The following WDR88 variants were observed in gnomAD, a reference collection of about 807,000 sequenced individuals.
The protein encoded by WDR88 is WD repeat-containing protein 88.
Under a neutral mutation model 46.8 loss-of-function variants are expected in WDR88, and 40 were observed. The observed-to-expected ratio is 0.86, with a 90% CI of 0.66 to 1.11. The LOEUF (loss-of-function observed/expected upper bound fraction) is 1.11, where lower values mean the gene tolerates loss of function less well. Among genes scored for constraint, WDR88 ranks in the 50% most tolerant of loss-of-function variants. The pLI is 0.00. For synonymous variants in WDR88, 235 were observed against 240.7 expected (o/e 0.98, Z 0.22); for missense variants, 562 against 602.4 (o/e 0.93, Z 0.70).
chr19:33,142,878 A>AAAAAAAAAAAAAAAAAAAG (rs1289318961), intron 2 of WDR88: 2 of 142,874 alleles, frequency 1.4e-5, no homozygotes, highest in African/African-American at 5.4e-5. Flanking sequence ...AAAAAAAAAA[A>AAAAAAAAAAAAAAAAAAAG]AAGGCCGGGG....
Position 33,132,254 on chromosome 19 carries a change from T to A in WDR88, c.85T>A (p.Cys29Ser), listed in dbSNP as rs781166699. The part of the protein sequence containing the change: ...PPPSAPASEY[C>S]PGKLSWGTMA... Reference sequence around the variant, plus strand: ...ACCCTCCGCCCCCGCCAGCGAGTATTGTCCCGGCAAGCTGTCCTGGGGGAC... The same window carrying A: ...ACCCTCCGCCCCCGCCAGCGAGTATAGTCCCGGCAAGCTGTCCTGGGGGAC... The change falls in exon 1 of 11, where the codon TGT becomes AGT. Residue 29 changes from cysteine to serine, a missense_variant. Transcript: ENST00000355868. The A allele has an allele frequency of 3.1e-6, 5 of 1,612,920 alleles. No homozygotes were observed. In the South Asian group the frequency reaches 5.5e-5, roughly 18 times the overall value.
At chr19:33,164,657 T>C (rs980299146) in intron 9 of WDR88, among the ~76,000 whole-genome samples, 1 of 152,066 alleles carries the variant, frequency 6.6e-6, no homozygotes, top group African/African-American at 2.4e-5. Flanking sequence ...CACTGGCACA[T>C]AGCAGCCAGC....
At chr19:33,153,103 T>G (rs1304739946) in intron 6 of WDR88, among the ~76,000 whole-genome samples, 2 of 152,004 alleles carry the variant, frequency 1.3e-5, no homozygotes, top group Non-Finnish European at 2.9e-5. Flanking sequence ...CAGGCTGGAG[T>G]GCAGTGACGT....
Position 33,140,265 on chromosome 19 carries a change from C to G in WDR88, c.387+2478C>G, listed in dbSNP as rs538176222. Reference sequence around the variant, plus strand: ...AACCTCCTGGACTCAAGCAATCCCCCCATCTCAACACCCCGAGTAGCTGGG... The same window carrying G: ...AACCTCCTGGACTCAAGCAATCCCCGCATCTCAACACCCCGAGTAGCTGGG... On this transcript the variant is annotated intron_variant, in intron 2 of 10. Coordinates refer to ENST00000355868, the MANE Select transcript of WDR88 (RefSeq NM_173479.4). Among the ~76,000 whole-genome samples, 4 of 152,278 alleles carry G rather than the reference C, an allele frequency of 2.6e-5. No homozygotes were observed. The East Asian group carries it at 5.8e-4, about 22-fold the overall frequency.
intron 2 of WDR88, among the ~76,000 whole-genome samples, chr19:33,138,116 A>C (rs1973313781): frequency 6.6e-6 from 1 of 151,210 alleles, no homozygotes; most frequent in Admixed American, 6.6e-5. Context: ...GGCTCACTGC[A>C]ACCTCCGCCT....
chr19:33,134,137 T>A (rs1182081760), intron 1 of WDR88, among the ~76,000 whole-genome samples: 1 of 152,162 alleles, frequency 6.6e-6, no homozygotes, highest in South Asian at 2.1e-4. Context: ...TACTCATGTG[T>A]TGGGGACTTC....
rs547256327 is a variant in WDR88 at position 33,152,121 on chromosome 19, A to G, written c.809+811A>G. On this transcript the variant is annotated intron_variant, in intron 6 of 10. Coordinates refer to ENST00000355868, the MANE Select transcript of WDR88 (RefSeq NM_173479.4). ...GTGGCGGGCACCTGTAATCCCAGCT[A>G]TTCAGGAGGCTGAGGAAGGAGAATA... Among the ~76,000 whole-genome samples, 695 of 152,100 alleles carry G rather than the reference A, an allele frequency of 4.6e-3. 10 individuals carry two copies. The highest frequency in any genetic ancestry group is 0.016 in the African/African-American group (644 of 41,470).
Position 33,175,573 on chromosome 19 carries a change from C to G in WDR88, c.*1C>G, listed in dbSNP as rs755499627. The G allele has an allele frequency of 6.2e-7, 1 of 1,614,062 alleles. No individual in the cohort carries two copies. Among genetic ancestry groups the G allele is most frequent in the Non-Finnish European group, 8.5e-7 (1 of 1,179,986 alleles). ...GCCAAGGGGAAGCAAGGATGACTGACAGCCACAGGCCCCTTTGAGTGACTC... is the reference window on the plus strand; with the variant it reads ...GCCAAGGGGAAGCAAGGATGACTGAGAGCCACAGGCCCCTTTGAGTGACTC... On this transcript the variant is annotated 3_prime_UTR_variant, in exon 11 of 11. Coordinates refer to ENST00000355868, the MANE Select transcript of WDR88 (RefSeq NM_173479.4).
Position 33,175,722 on chromosome 19 carries a change from T to A in WDR88, c.*150T>A. 1 of 783,868 alleles carries A rather than the reference T, an allele frequency of 1.3e-6. No homozygotes were observed. Among genetic ancestry groups the A allele is most frequent in the South Asian group, 1.8e-5 (1 of 56,842 alleles). The allele number at this position is 783,868 out of a possible 1,614,324, so 48.6% of individuals were successfully genotyped here. A position where few individuals can be genotyped will look rare whatever the true frequency, so the allele number is the denominator to read the frequency against. ...CAAGCCCTGGCTGGACTCAGCACAG[T>A]GCCACCTCCTCAGCTCTCAGCTTGG... On this transcript the variant is annotated 3_prime_UTR_variant, in exon 11 of 11. Coordinates refer to ENST00000355868, the MANE Select transcript of WDR88 (RefSeq NM_173479.4).
At chr19:33,162,537 A>G (rs1295799276) in intron 8 of WDR88, among the ~76,000 whole-genome samples, 1 of 152,008 alleles carries the variant, frequency 6.6e-6, no homozygotes, top group Admixed American at 6.6e-5. Flanking sequence ...ATGTACCCAA[A>G]GAAAACACCC....
chr19:33,172,258 C>T, intron 9 of WDR88, 90 bp from the exon 10 acceptor site: 1 of 1,110,118 alleles, frequency 9.0e-7, no homozygotes, highest in Non-Finnish European at 1.3e-6. Context: ...TGTGCCTTGA[C>T]AGCCCATGTC....
At chr19:33,137,564 A>G in intron 1 of WDR88, 113 bp from the exon 2 acceptor site, 1 of 979,054 alleles carries the variant, frequency 1.0e-6, no homozygotes, top group Non-Finnish European at 1.5e-6. Context: ...AATTTTTTAA[A>G]TTCATTTTTT....
intron 2 of WDR88, among the ~76,000 whole-genome samples, chr19:33,144,112 C>G (rs1343804676): frequency 1.3e-5 from 2 of 152,214 alleles, no homozygotes; most frequent in Admixed American, 1.3e-4. Context: ...CGCAGCCCCA[C>G]GGACACTGAT....
intron 7 of WDR88, among the ~76,000 whole-genome samples, chr19:33,158,340 G>A (rs1471594846): frequency 1.3e-5 from 2 of 151,956 alleles, no homozygotes; most frequent in Non-Finnish European, 2.9e-5. Flanking sequence ...TGGCTTTATG[G>A]GGTTCAGAAT....
At chr19:33,148,255 C>T (rs943639558) in intron 4 of WDR88, among the ~76,000 whole-genome samples, 3 of 152,054 alleles carry the variant, frequency 2.0e-5, no homozygotes, top group Admixed American at 6.6e-5. Flanking sequence ...GCTCAGGGGC[C>T]TCCTCGGGGT....
chr19:33,164,648 A>G (rs1269530831), intron 9 of WDR88, among the ~76,000 whole-genome samples: 2 of 151,970 alleles, frequency 1.3e-5, no homozygotes, highest in South Asian at 2.1e-4. Flanking sequence ...TTCCCATTCC[A>G]CTGGCACATA....
rs777027370 is a variant in WDR88 at position 33,132,312 on chromosome 19, C to G, written c.143C>G (p.Ser48Trp). 5.0e-6 allele frequency: 8 copies of G among 1,613,992 alleles called. No homozygotes were observed. The Admixed American group carries it at 8.3e-5, about 17-fold the overall frequency. Residue 48 changes from serine (S) to tryptophan (W), a missense_variant, in exon 1 of 11, where the codon TCG (serine) becomes TGG (tryptophan). Coordinates refer to ENST00000355868, the MANE Select transcript of WDR88 (RefSeq NM_173479.4). ...MARALGRFKL[S>W]IPHTHLLATL... ...AGGGCCTTAGGCCGCTTCAAGCTGT[C>G]GATCCCGCACACGCACCTGCTGGCC...
At chr19:33,161,662 T>C (rs746058185) in intron 8 of WDR88, among the ~76,000 whole-genome samples, 3 of 152,128 alleles carry the variant, frequency 2.0e-5, no homozygotes, top group Non-Finnish European at 4.4e-5. Flanking sequence ...TAAACCTCTC[T>C]GTGCTTAAAG....
chr19:33,155,893 G>A (rs1478974160), intron 6 of WDR88, among the ~76,000 whole-genome samples: 3 of 152,126 alleles, frequency 2.0e-5, no homozygotes, highest in South Asian at 2.1e-4. Context: ...AACACAGGAC[G>A]GCCCCCACAA....
Sources: allele counts gnomAD v4.1 joint callset (sites outside exome capture counted in the v4.1 genomes callset), GRCh38; gene constraint gnomAD v4.1.1; transcripts MANE v1.5; gene names NCBI Gene and HGNC (gene_info 2026-07-23, HGNC 2026-07-21).